The following AGMO variants were observed in gnomAD, a reference collection of about 807,000 sequenced individuals.
The protein encoded by AGMO is glyceryl-ether monooxygenase.
Under a neutral mutation model 60.2 loss-of-function variants are expected in AGMO, and 75 were observed. That is an observed-to-expected ratio of 1.25 (90% confidence interval 1.03 to 1.51). The LOEUF (loss-of-function observed/expected upper bound fraction) is 1.51. AGMO is among the 40% of genes most tolerant of loss of function. The pLI, the probability that AGMO is intolerant of heterozygous loss-of-function variation, is 0.00. For missense variants in AGMO, 763 were observed against 525.5 expected, an observed-to-expected ratio of 1.45 and a Z score of -4.42; for synonymous variants, 261 against 177.1, an observed-to-expected ratio of 1.47 and a Z score of -3.76.
intron 3 of AGMO, among the ~76,000 whole-genome samples, chr7:15,508,789 C>A (rs1241003350): frequency 1.3e-5 from 2 of 151,842 alleles, no homozygotes; most frequent in Non-Finnish European, 2.9e-5. Flanking sequence ...CTAACCATAT[C>A]TTTTGCCACA....
intron 12 of AGMO, among the ~76,000 whole-genome samples, chr7:15,343,800 G>C (rs961856628): frequency 6.6e-6 from 1 of 152,056 alleles, no homozygotes; most frequent in Non-Finnish European, 1.5e-5. Context: ...TCACAGAAAG[G>C]GAAGCAGAGA....
chr7:15,531,404 T>C (rs1270208984), intron 3 of AGMO, among the ~76,000 whole-genome samples: 4 of 75,340 alleles, frequency 5.3e-5, no homozygotes, highest in Admixed American at 2.0e-4. Flanking sequence ...TATATATATA[T>C]TCTATATATA....
chr7:15,437,531 CTTTTTT>C (rs201021445), intron 3 of AGMO, among the ~76,000 whole-genome samples: 44,622 of 121,302 alleles, frequency 0.37, 6,592 homozygotes, highest in Middle Eastern at 0.42. Flanking sequence ...AAATTTTTTC[CTTTTTT>C]TTTTTTTTTT....
At chr7:15,524,303 T>A (rs1388780400) in intron 3 of AGMO, among the ~76,000 whole-genome samples, 4 of 152,010 alleles carry the variant, frequency 2.6e-5, no homozygotes, top group Non-Finnish European at 5.9e-5. Context: ...GGTAATGGTG[T>A]AAAAGGAATA....
chr7:15,154,664 T>C, the AGMO span, among the ~76,000 whole-genome samples: 5 of 152,218 alleles, frequency 3.3e-5, no homozygotes, highest in African/African-American at 1.2e-4. Context: ...CTGGTTGTTA[T>C]ATAGACTTGA....
intron 12 of AGMO, among the ~76,000 whole-genome samples, chr7:15,287,046 G>T (rs1255092524): frequency 6.6e-6 from 1 of 152,044 alleles, no homozygotes; most frequent in Non-Finnish European, 1.5e-5. Context: ...CATACAGAGT[G>T]GTATAATGGA....
the AGMO span, among the ~76,000 whole-genome samples, chr7:15,180,703 C>G: frequency 6.6e-6 from 1 of 152,214 alleles, no homozygotes; most frequent in Non-Finnish European, 1.5e-5. Flanking sequence ...TTACCCATTT[C>G]CAAAGCTGTT....
chr7:15,273,717 T>C (rs369835819), intron 12 of AGMO, among the ~76,000 whole-genome samples: 3 of 152,208 alleles, frequency 2.0e-5, no homozygotes, highest in Non-Finnish European at 4.4e-5. Flanking sequence ...TTGGGCACTA[T>C]GGCCATTTTC....
At chr7:15,521,084 T>G (rs1161691329) in intron 3 of AGMO, among the ~76,000 whole-genome samples, 1 of 152,092 alleles carries the variant, frequency 6.6e-6, no homozygotes, top group Non-Finnish European at 1.5e-5. Context: ...GCAAATAAAT[T>G]AGAAAATCTA....
At chr7:15,422,385 A>C (rs553965322) in intron 4 of AGMO, among the ~76,000 whole-genome samples, 1 of 152,166 alleles carries the variant, frequency 6.6e-6, no homozygotes, top group East Asian at 1.9e-4. Flanking sequence ...AAAGTCCAAG[A>C]GAAAAAAAAC....
chr7:15,354,302 ACGTGTATACACGCGTGTATATACGTACG>A (rs1563104701), intron 12 of AGMO, among the ~76,000 whole-genome samples: 1 of 80,994 alleles, frequency 1.2e-5, no homozygotes, highest in African/African-American at 7.3e-5. Context: ...AAATATATAT[ACGTGTATACACGCGTGTATATACGTACG>A]CGTGTATATA....
intron 3 of AGMO, among the ~76,000 whole-genome samples, chr7:15,463,276 G>A (rs915966368): frequency 3.9e-5 from 6 of 152,084 alleles, no homozygotes; most frequent in African/African-American, 1.4e-4. Context: ...CCTCAATAAA[G>A]AATTTTACTG....
chr7:15,175,685 T>C, the AGMO span, among the ~76,000 whole-genome samples: 1 of 151,922 alleles, frequency 6.6e-6, no homozygotes, highest in Non-Finnish European at 1.5e-5. Context: ...AACACAATTT[T>C]TAAATGATAA....
intron 10 of AGMO, among the ~76,000 whole-genome samples, chr7:15,368,049 C>CA (rs973566232): frequency 6.6e-6 from 1 of 151,956 alleles, no homozygotes; most frequent in Non-Finnish European, 1.5e-5. Context: ...CCAGAATTGT[C>CA]AAGAGATTTT....
At chr7:15,368,593 C>T (rs573588493) in intron 10 of AGMO, among the ~76,000 whole-genome samples, 1 of 152,152 alleles carries the variant, frequency 6.6e-6, no homozygotes, top group South Asian at 2.1e-4. Context: ...GGACTGTAAT[C>T]TTATTAAATA....
intron 10 of AGMO, among the ~76,000 whole-genome samples, chr7:15,383,464 T>A (rs770526795): frequency 6.6e-6 from 1 of 150,958 alleles, no homozygotes; most frequent in Non-Finnish European, 1.5e-5. Context: ...TGCCTAAAAG[T>A]CCTGCTCAGG....
At chr7:15,117,918 T>C in the AGMO span, among the ~76,000 whole-genome samples, 1 of 152,074 alleles carries the variant, frequency 6.6e-6, no homozygotes, top group African/African-American at 2.4e-5. Context: ...TAGATGAGGT[T>C]TTCTTTTTTA....
intron 12 of AGMO, among the ~76,000 whole-genome samples, chr7:15,220,617 T>C (rs1282958734): frequency 6.6e-6 from 1 of 151,934 alleles, no homozygotes; most frequent in Admixed American, 6.6e-5. Context: ...ACAGTGATAA[T>C]AATATTTATT....
the AGMO span, among the ~76,000 whole-genome samples, chr7:15,161,297 G>A: frequency 6.6e-6 from 1 of 152,060 alleles, no homozygotes; most frequent in African/African-American, 2.4e-5. Flanking sequence ...AGCTTTGCAA[G>A]AAAAAAGACA....
Sources: gnomAD v4.1 joint callset for allele counts (sites outside exome capture counted in the v4.1 genomes callset) on GRCh38, gnomAD v4.1.1 for gene constraint, MANE v1.5 for transcripts, NCBI Gene and HGNC (gene_info 2026-07-23, HGNC 2026-07-21) for gene names.